Variants in INTS4 observed in about 807,000 individuals in gnomAD.
INTS4 encodes the protein integrator complex subunit 4, also known as MSTP093.
Under a neutral mutation model 119.5 loss-of-function variants are expected in INTS4, and 70 were observed. The observed-to-expected ratio is 0.59, with a 90% CI of 0.48 to 0.71. INTS4 has a LOEUF of 0.71. INTS4 is among the 30% of genes least tolerant of loss of function. The pLI is 0.00. For missense variants in INTS4, 867 were observed against 1,173.2 expected (o/e 0.74, Z 3.81); for synonymous variants, 316 against 419.6 (o/e 0.75, Z 3.02).
At chr11:77,888,735 A>G (rs1344059809) in intron 21 of INTS4, among the ~76,000 whole-genome samples, 1 of 152,162 alleles carries the variant, frequency 6.6e-6, no homozygotes, top group African/African-American at 2.4e-5. Flanking sequence ...CAAGAAAAAA[A>G]CAAACAACCC....
At chr11:77,880,067 G>A (rs1410049585) in intron 22 of INTS4, among the ~76,000 whole-genome samples, 1 of 152,194 alleles carries the variant, frequency 6.6e-6, no homozygotes, top group East Asian at 1.9e-4. Context: ...AGAAGAGGGA[G>A]AGAATTTCAG....
At position 77,958,818 on chromosome 11, in the gene INTS4, G is replaced by C. The variant is rs781387385; in HGVS notation, c.725C>G (p.Ser242Cys). 3.1e-6 allele frequency: 5 copies of C among 1,606,952 alleles called. No homozygotes were observed. The highest frequency in any genetic ancestry group is 4.3e-6 in the Non-Finnish European group (5 of 1,175,566). ...TIYNQACKLL[S>C]DDYEQVRSAA... ...ACTGCGCACTTGTTCATAGTCATCA[G>C]AGAGTAATTTACAGGCCTGCAAAGA... is the stretch of plus-strand genomic sequence containing the variant. Residue 242 changes from serine to cysteine, a missense_variant, in exon 7 of 23, where the codon TCT becomes TGT. This residue lies in a region of INTS4 where 208 missense variants were observed against 306.6 expected (regional missense o/e 0.68). Coordinates refer to ENST00000534064, the MANE Select transcript of INTS4 (RefSeq NM_033547.4).
At chr11:77,923,657 G>C (rs186334259) in intron 12 of INTS4, among the ~76,000 whole-genome samples, 118 of 152,054 alleles carry the variant, frequency 7.8e-4, no homozygotes, top group African/African-American at 2.8e-3. Context: ...CAAAGTGTCT[G>C]TCACATAGTA....
At position 77,973,553 on chromosome 11, in the gene INTS4, G is replaced by GT. The variant is rs529525062; in HGVS notation, c.471+5442dup. ...AAGTATGATGTTTCCTGTCAGTTTT[G>GT]TTTTTTTTTTAGATTCCATTTACAA... On this transcript the variant is annotated intron_variant, in intron 4 of 22. Coordinates refer to ENST00000534064, the MANE Select transcript of INTS4 (RefSeq NM_033547.4). Among the ~76,000 whole-genome samples, 1,231 of 147,296 alleles carry GT rather than the reference G, an allele frequency of 8.4e-3. 6 individuals are homozygous for GT. The highest frequency in any genetic ancestry group is 0.019 in the African/African-American group (771 of 40,288).
In INTS4 at chr11:77,924,739, A is replaced by G. The variant is rs1953453039; in HGVS notation, c.1514+11T>C. 4 of 1,604,534 alleles carry G rather than the reference A, an allele frequency of 2.5e-6. No individual in the cohort carries two copies. Among genetic ancestry groups the G allele is most frequent in the Non-Finnish European group, 3.4e-6 (4 of 1,172,228 alleles). Reference sequence around the variant, plus strand: ...GGGACTCAGTGAGTAAATGGGCAAAAAAGTCATTACTTCCATATGGAGTCC... The same window carrying G: ...GGGACTCAGTGAGTAAATGGGCAAAGAAGTCATTACTTCCATATGGAGTCC... On this transcript the variant is annotated intron_variant, in intron 12 of 22. Transcript: ENST00000534064.
chr11:77,960,919 A>G (rs1954454826), intron 5 of INTS4, 34 bp downstream of exon 5: 1 of 1,572,564 alleles, frequency 6.4e-7, no homozygotes, highest in South Asian at 1.2e-5. Context: ...AAAAATGAAC[A>G]CTAGCCCCAA....
At chr11:77,915,694 G>C (rs376600570) in intron 15 of INTS4, among the ~76,000 whole-genome samples, 1 of 152,018 alleles carries the variant, frequency 6.6e-6, no homozygotes, top group Non-Finnish European at 1.5e-5. Flanking sequence ...AACAGCAGTT[G>C]GTACTTATGG....
At chr11:77,917,242 C>A (rs1331452504) in intron 15 of INTS4, among the ~76,000 whole-genome samples, 1 of 151,974 alleles carries the variant, frequency 6.6e-6, no homozygotes, top group African/African-American at 2.4e-5. Context: ...GTGGCTGGTA[C>A]CAAATACTCT....
Position 77,885,907 on chromosome 11 carries a change from A to G in INTS4, c.2593-1955T>C, listed in dbSNP as rs909664442. Among the ~76,000 whole-genome samples, 5 of 152,262 alleles carry G rather than the reference A, an allele frequency of 3.3e-5. No homozygotes were observed. The East Asian group carries it at 9.6e-4, about 29-fold the overall frequency. ...GGAAAAACAAATGAACAGGGGCCAT[A>G]ATTTCTGTGTTCAGCAGGTGCAGTG... On this transcript the variant is annotated intron_variant, in intron 21 of 22. Transcript: ENST00000534064.
At chr11:77,990,969 A>G in intron 2 of INTS4, 139 bp downstream of exon 2, 1 of 676,642 alleles carries the variant, frequency 1.5e-6, no homozygotes, top group East Asian at 2.7e-5. Flanking sequence ...TTATCTCGGT[A>G]TCCATAGTAC....
intron 15 of INTS4, among the ~76,000 whole-genome samples, chr11:77,912,044 C>T (rs1953098724): frequency 6.6e-6 from 1 of 152,108 alleles, no homozygotes; most frequent in African/African-American, 2.4e-5. Flanking sequence ...TTACATCAAA[C>T]ACAGATGAGA....
At chr11:77,891,498 C>G in intron 20 of INTS4, 36 bp from the exon 21 acceptor site, 1 of 1,610,580 alleles carries the variant, frequency 6.2e-7, no homozygotes, top group Non-Finnish European at 8.5e-7. Context: ...ATTTTAAAGC[C>G]AGGTCATTCC....
chr11:77,883,977 A>C (rs764088544), intron 21 of INTS4, 25 bp from the exon 22 acceptor site: 1 of 1,608,946 alleles, frequency 6.2e-7, no homozygotes, highest in South Asian at 1.1e-5. Context: ...AAATGAGAAA[A>C]AGGCAGAAGC....
chr11:77,938,782 G>C lies in INTS4; in HGVS notation c.1034C>G (p.Ser345Trp). ...AHERAKELYS[S>W]GEFSSGRKWG... is the part of the protein sequence containing the mutation. ...CTTTCTGCCACTGGAAAACTCCCCCGAACTGTAAAGTTCCTTGGCACGCTC... is the reference window on the plus strand; with the variant it reads ...CTTTCTGCCACTGGAAAACTCCCCCCAACTGTAAAGTTCCTTGGCACGCTC... Residue 345 changes from serine to tryptophan, a missense_variant, in exon 10 of 23, where the codon TCG becomes TGG. Around this residue, in one of 5 missense-constraint regions of INTS4, gnomAD observed 208 missense variants for 306.6 expected, o/e 0.68. Coordinates refer to ENST00000534064, the MANE Select transcript of INTS4 (RefSeq NM_033547.4). 6.2e-7 allele frequency: 1 copy of C among 1,611,872 alleles called. No individual in the cohort carries two copies. Among genetic ancestry groups the C allele is most frequent in the Non-Finnish European group, 8.5e-7 (1 of 1,179,806 alleles).
intron 18 of INTS4, among the ~76,000 whole-genome samples, chr11:77,894,667 C>T (rs1952435009): frequency 6.6e-6 from 1 of 152,172 alleles, no homozygotes. Context: ...GTGTCAAGTT[C>T]CCCTTCTGCA....
chr11:77,971,387 C>G (rs558845132), intron 4 of INTS4, among the ~76,000 whole-genome samples: 87 of 152,140 alleles, frequency 5.7e-4, no homozygotes, highest in African/African-American at 2.0e-3. Context: ...GTGGCTCACG[C>G]TGTAATCCCA....
chr11:77,990,784 T>C (rs1019388705), intron 2 of INTS4, among the ~76,000 whole-genome samples: 3 of 152,058 alleles, frequency 2.0e-5, no homozygotes, highest in Admixed American at 1.3e-4. Context: ...CAGGACCACA[T>C]TCCAGAGATG....
At chr11:77,887,538 T>G (rs1414672619) in intron 21 of INTS4, among the ~76,000 whole-genome samples, 1 of 152,096 alleles carries the variant, frequency 6.6e-6, no homozygotes, top group Admixed American at 6.6e-5. Context: ...CTCTCAGCAC[T>G]CCTATTCAAC....
intron 9 of INTS4, among the ~76,000 whole-genome samples, chr11:77,940,818 T>C (rs1304487596): frequency 6.6e-5 from 10 of 152,086 alleles, no homozygotes; most frequent in Non-Finnish European, 1.3e-4. Flanking sequence ...TGTTGTTTAG[T>C]TGAGACAGGG....
Sources: allele counts gnomAD v4.1 joint callset (sites outside exome capture counted in the v4.1 genomes callset), GRCh38; gene constraint gnomAD v4.1.1; regional missense constraint gnomAD v4.1.1; transcripts MANE v1.5; gene names NCBI Gene and HGNC (gene_info 2026-07-23, HGNC 2026-07-21).